Variants in COL5A2 observed in about 807,000 individuals in gnomAD.
The protein encoded by COL5A2 is collagen type V alpha 2 chain.
Under a neutral mutation model 208.2 loss-of-function variants are expected in COL5A2, and 23 were observed. That is an observed-to-expected ratio of 0.11 (90% confidence interval 0.08 to 0.16). The LOEUF (loss-of-function observed/expected upper bound fraction) is 0.16. Among genes scored for constraint, COL5A2 ranks in the 10% least tolerant of loss-of-function variants. COL5A2 has a pLI of 1.00. For missense variants in COL5A2, 1,590 were observed against 1,956.4 expected, an observed-to-expected ratio of 0.81 and a Z score of 3.53; for synonymous variants, 625 against 628.5, an observed-to-expected ratio of 0.99 and a Z score of 0.08.
chr2:189,434,443 C>T, the COL5A2 span, among the ~76,000 whole-genome samples: 1 of 152,102 alleles, frequency 6.6e-6, no homozygotes, highest in Non-Finnish European at 1.5e-5. Flanking sequence ...ATTGTCTCAG[C>T]CCAAAATCTC....
chr2:189,342,197 C>CATT, the COL5A2 span, among the ~76,000 whole-genome samples: 1 of 135,564 alleles, frequency 7.4e-6, no homozygotes, highest in African/African-American at 2.7e-5. Flanking sequence ...CTAGTGTGCT[C>CATT]TTTTTTTTTT....
At chr2:189,293,757 T>C in the COL5A2 span, among the ~76,000 whole-genome samples, 3 of 152,122 alleles carry the variant, frequency 2.0e-5, no homozygotes, top group African/African-American at 7.2e-5. Context: ...TTCCCAGCCT[T>C]TGGAACCGTG....
intron 41 of COL5A2, 48 bp from the exon 42 acceptor site, chr2:189,051,529 A>G: frequency 6.5e-7 from 1 of 1,550,192 alleles, no homozygotes; most frequent in Non-Finnish European, 8.7e-7. Flanking sequence ...ATGGAAGGCA[A>G]GTAAGAGTGA....
intron 1 of COL5A2, among the ~76,000 whole-genome samples, chr2:189,187,387 G>A (rs961888710): frequency 4.6e-5 from 7 of 152,146 alleles, no homozygotes; most frequent in African/African-American, 1.7e-4. Flanking sequence ...CTGCAGATAT[G>A]TGGTGATTAT....
the COL5A2 span, among the ~76,000 whole-genome samples, chr2:189,433,979 C>T: frequency 6.6e-6 from 1 of 152,202 alleles, no homozygotes; most frequent in South Asian, 2.1e-4. Flanking sequence ...AAAAGCTTAT[C>T]TGCCATGATC....
the COL5A2 span, among the ~76,000 whole-genome samples, chr2:189,422,019 A>T: frequency 9.2e-5 from 14 of 152,208 alleles, no homozygotes; most frequent in Non-Finnish European, 2.1e-4. Flanking sequence ...ATCTCTGGAC[A>T]GGCTTACTAT....
Position 189,088,255 on chromosome 2 carries a change from T to C in COL5A2, c.645+440A>G, listed in dbSNP as rs142058984. On this transcript the variant is annotated intron_variant, in intron 8 of 53. Transcript: ENST00000374866. ...ACTCAGCCAGGAAACCATAGAGCTG[T>C]TGGAATAAGGCAGCCAGAGGATATT... Among the ~76,000 whole-genome samples the C allele has an allele frequency of 3.7e-3, 559 of 152,284 alleles. 2 individuals carry two copies. The highest frequency in any genetic ancestry group is 0.012 in the African/African-American group (510 of 41,558).
intron 1 of COL5A2, among the ~76,000 whole-genome samples, chr2:189,112,417 T>C (rs2105717077): frequency 6.6e-6 from 1 of 152,334 alleles, no homozygotes; most frequent in South Asian, 2.1e-4. Context: ...ATACAGATAT[T>C]AATACAAAAA....
intron 19 of COL5A2, among the ~76,000 whole-genome samples, chr2:189,068,578 A>G (rs1686204057): frequency 6.6e-6 from 1 of 152,236 alleles, no homozygotes; most frequent in African/African-American, 2.4e-5. Context: ...TTCCCAACAC[A>G]TAGAAGTGAT....
chr2:189,257,351 T>G, the COL5A2 span, among the ~76,000 whole-genome samples: 1 of 152,180 alleles, frequency 6.6e-6, no homozygotes, highest in Non-Finnish European at 1.5e-5. Flanking sequence ...CCTAAACAAT[T>G]TGTGAGGTTC....
chr2:189,124,189 C>T (rs922714460), intron 1 of COL5A2, among the ~76,000 whole-genome samples: 7 of 152,034 alleles, frequency 4.6e-5, no homozygotes, highest in Non-Finnish European at 7.4e-5. Flanking sequence ...ACTAAGATTG[C>T]GAACCCCATT....
chr2:189,326,257 C>T, the COL5A2 span, among the ~76,000 whole-genome samples: 1 of 151,988 alleles, frequency 6.6e-6, no homozygotes, highest in African/African-American at 2.4e-5. Flanking sequence ...ATGAAGAAGA[C>T]AAAAACAAGC....
At position 189,088,569 on chromosome 2, in the gene COL5A2, A is replaced by ATGAG. The variant is rs1686715461; in HGVS notation, c.645+125_645+126insCTCA. 2.1e-5 allele frequency: 16 copies of ATGAG among 775,130 alleles called. 1 individual carries two copies. In the South Asian group the frequency reaches 2.3e-4, roughly 11 times the overall value. The allele number at this position is 775,130 out of a possible 1,614,324, so 48.0% of individuals were successfully genotyped here. On this transcript the variant is annotated intron_variant, in intron 8 of 53. Coordinates refer to ENST00000374866, the MANE Select transcript of COL5A2 (RefSeq NM_000393.5). The stretch of plus-strand genomic sequence containing the variant: ...GTAAATAAGTTAATTAAATGAATGA[A>ATGAG]TGAATGAATGTACGACTGTGTTTAA...
intron 1 of COL5A2, among the ~76,000 whole-genome samples, chr2:189,113,428 G>T (rs542367344): frequency 6.6e-6 from 1 of 151,880 alleles, no homozygotes; most frequent in East Asian, 1.9e-4. Context: ...GTGAGACCTG[G>T]ACTCACAAAA....
At chr2:189,236,495 T>C in the COL5A2 span, among the ~76,000 whole-genome samples, 1 of 151,892 alleles carries the variant, frequency 6.6e-6, no homozygotes, top group Non-Finnish European at 1.5e-5. Flanking sequence ...CAATAATTGA[T>C]GAGAGTTCTA....
At chr2:189,377,142 T>C in the COL5A2 span, among the ~76,000 whole-genome samples, 2 of 152,204 alleles carry the variant, frequency 1.3e-5, no homozygotes, top group Non-Finnish European at 2.9e-5. Flanking sequence ...AGTTAAATTA[T>C]AGCCTGCAGT....
chr2:189,360,488 G>T, the COL5A2 span, among the ~76,000 whole-genome samples: 1 of 151,572 alleles, frequency 6.6e-6, no homozygotes, highest in Non-Finnish European at 1.5e-5. Flanking sequence ...TTTCTTCATT[G>T]ACCCATTCAT....
Position 189,034,002 on chromosome 2 carries a change from G to C in COL5A2, c.*68C>G, listed in dbSNP as rs1433972797. The C allele has an allele frequency of 2.5e-6, 4 of 1,605,738 alleles. No homozygotes were observed. Among genetic ancestry groups the C allele is most frequent in the Non-Finnish European group, 3.4e-6 (4 of 1,173,974 alleles). ...AGAGTCTCAGGATCAACTTCAAACAGTCAAAGTTCTTGTGAATGGCGGTGG... is the reference window on the plus strand; with the variant it reads ...AGAGTCTCAGGATCAACTTCAAACACTCAAAGTTCTTGTGAATGGCGGTGG... On this transcript the variant is annotated 3_prime_UTR_variant, in exon 54 of 54. Coordinates refer to ENST00000374866, the MANE Select transcript of COL5A2 (RefSeq NM_000393.5).
chr2:189,153,057 G>T (rs1413364403), intron 1 of COL5A2, among the ~76,000 whole-genome samples: 8 of 152,156 alleles, frequency 5.3e-5, no homozygotes, highest in Non-Finnish European at 1.0e-4. Context: ...ACAATCCCAA[G>T]TGGCTGCCTG....
Sources: gnomAD v4.1 joint callset for allele counts (sites outside exome capture counted in the v4.1 genomes callset) on GRCh38, gnomAD v4.1.1 for gene constraint, MANE v1.5 for transcripts, NCBI Gene and HGNC (gene_info 2026-07-23, HGNC 2026-07-21) for gene names.